Variants in CLSTN2 observed in about 807,000 individuals in gnomAD.
CLSTN2 encodes the protein calsyntenin-2.
In CLSTN2, 48 loss-of-function variants were observed where a neutral mutation model predicts 101.2. The observed-to-expected ratio is 0.47, with a 90% confidence interval of 0.38 to 0.60. The LOEUF (loss-of-function observed/expected upper bound fraction) is 0.60, where lower values mean the gene tolerates loss of function less well. Ranked by LOEUF, CLSTN2 falls within the 20% of genes least tolerant of loss-of-function variation. The pLI is 0.00. For missense variants in CLSTN2, 1,160 were observed against 1,238.2 expected (o/e 0.94, Z 0.95); for synonymous variants, 481 against 463.6 (o/e 1.04, Z -0.48).
At chr3:140,193,083 G>T (rs1428073172) in intron 2 of CLSTN2, among the ~76,000 whole-genome samples, 1 of 151,456 alleles carries the variant, frequency 6.6e-6, no homozygotes, top group Non-Finnish European at 1.5e-5. Context: ...GTTTGTAATT[G>T]TCTTAAATGT....
At chr3:140,240,367 G>A (rs2086456834) in intron 2 of CLSTN2, among the ~76,000 whole-genome samples, 3 of 31,238 alleles carry the variant, frequency 9.6e-5, no homozygotes, top group Non-Finnish European at 2.2e-4. Context: ...TACTGAGCTA[G>A]TTACATGAAC....
chr3:140,566,034 T>A lies in CLSTN2; in HGVS notation c.2668-19T>A, dbSNP rs375100509. 2.1e-5 allele frequency: 34 copies of A among 1,613,764 alleles called. No individual in the cohort carries two copies. Among genetic ancestry groups the A allele is most frequent in the Non-Finnish European group, 2.7e-5 (32 of 1,179,950 alleles). ...GTTCAGCCCCTGATGAGCATTTGCT[T>A]TTTCTCCTTGATATCCAGAAACATG... On this transcript the variant is annotated intron_variant, in intron 16 of 16. Transcript: ENST00000458420.
At chr3:140,317,211 T>A (rs1285297372) in intron 2 of CLSTN2, among the ~76,000 whole-genome samples, 1 of 152,142 alleles carries the variant, frequency 6.6e-6, no homozygotes, top group Admixed American at 6.5e-5. Context: ...GTGGACCAGA[T>A]GGCTCAGTTA....
At chr3:140,283,294 A>G (rs2086865599) in intron 2 of CLSTN2, among the ~76,000 whole-genome samples, 2 of 152,120 alleles carry the variant, frequency 1.3e-5, no homozygotes, top group Admixed American at 6.6e-5. Flanking sequence ...GAAATTTGGT[A>G]TTTATTATTT....
At chr3:140,138,074 C>T (rs2009641994) in intron 1 of CLSTN2, among the ~76,000 whole-genome samples, 1 of 152,290 alleles carries the variant, frequency 6.6e-6, no homozygotes, top group East Asian at 1.9e-4. Flanking sequence ...AAGGAGTCTC[C>T]TTTCCCTAAA....
chr3:140,462,962 C>T (rs1268686455), intron 7 of CLSTN2: 5 of 152,258 alleles, frequency 3.3e-5, no homozygotes, highest in African/African-American at 4.8e-5. Context: ...CCCACCTACC[C>T]ATGGGGGAGG....
At chr3:140,466,869 C>A in intron 8 of CLSTN2, 138 bp downstream of exon 8, 2 of 1,101,946 alleles carry the variant, frequency 1.8e-6, no homozygotes, top group Non-Finnish European at 2.6e-6. Flanking sequence ...CTTAGGGAGA[C>A]ACACAGCATC....
chr3:140,561,451 A>G (rs1270760513), intron 12 of CLSTN2, among the ~76,000 whole-genome samples: 1 of 152,234 alleles, frequency 6.6e-6, no homozygotes, highest in African/African-American at 2.4e-5. Flanking sequence ...GGCAAGGACA[A>G]CTTGACTGAC....
At chr3:140,322,978 G>A (rs767223803) in intron 2 of CLSTN2, among the ~76,000 whole-genome samples, 5 of 152,182 alleles carry the variant, frequency 3.3e-5, no homozygotes, top group African/African-American at 4.8e-5. Flanking sequence ...GATCCATGCC[G>A]CTTTTTTGGG....
intron 1 of CLSTN2, among the ~76,000 whole-genome samples, chr3:140,045,620 T>A (rs1211474623): frequency 6.6e-6 from 1 of 152,242 alleles, no homozygotes; most frequent in Non-Finnish European, 1.5e-5. Context: ...AGGGTGTCAA[T>A]TTTAGATCTT....
At chr3:140,206,153 A>G (rs2010779284) in intron 2 of CLSTN2, among the ~76,000 whole-genome samples, 1 of 152,114 alleles carries the variant, frequency 6.6e-6, no homozygotes, top group Non-Finnish European at 1.5e-5. Flanking sequence ...GCTGTAAACA[A>G]CTCCCAATTA....
intron 2 of CLSTN2, among the ~76,000 whole-genome samples, chr3:140,205,054 G>A (rs775777827): frequency 1.3e-5 from 2 of 152,132 alleles, no homozygotes; most frequent in East Asian, 1.9e-4. Context: ...TATGAAAAGA[G>A]GGTAGGCATT....
At chr3:140,090,990 A>G (rs1230954061) in intron 1 of CLSTN2, among the ~76,000 whole-genome samples, 1 of 152,130 alleles carries the variant, frequency 6.6e-6, no homozygotes, top group African/African-American at 2.4e-5. Flanking sequence ...AGGAGTTCTG[A>G]GGAACTCTGG....
chr3:140,201,154 G>A (rs928362941), intron 2 of CLSTN2, among the ~76,000 whole-genome samples: 3 of 152,210 alleles, frequency 2.0e-5, no homozygotes, highest in Non-Finnish European at 4.4e-5. Flanking sequence ...AAGCTGACAT[G>A]AGAGAGATAC....
chr3:139,984,715 T>C (rs1019561917), intron 1 of CLSTN2, among the ~76,000 whole-genome samples: 1 of 152,150 alleles, frequency 6.6e-6, no homozygotes, highest in Admixed American at 6.5e-5. Flanking sequence ...ACTCCCTAGG[T>C]AATCCTATCC....
At chr3:140,453,800 A>T (rs949934866) in intron 6 of CLSTN2, among the ~76,000 whole-genome samples, 10 of 152,232 alleles carry the variant, frequency 6.6e-5, no homozygotes, top group African/African-American at 2.4e-4. Flanking sequence ...GAAGACAGAC[A>T]TGTTAAGAAA....
intron 1 of CLSTN2, among the ~76,000 whole-genome samples, chr3:140,135,828 T>G (rs1482082317): frequency 1.3e-5 from 2 of 152,208 alleles, no homozygotes; most frequent in Non-Finnish European, 2.9e-5. Flanking sequence ...TTTAGGAATC[T>G]GGCTTAAACT....
intron 8 of CLSTN2, among the ~76,000 whole-genome samples, chr3:140,488,129 G>T (rs1479889928): frequency 6.6e-6 from 1 of 152,192 alleles, no homozygotes; most frequent in East Asian, 1.9e-4. Flanking sequence ...AGAAAAAAAA[G>T]CATTCCTTAG....
At chr3:140,177,288 T>C (rs2010339351) in intron 2 of CLSTN2, among the ~76,000 whole-genome samples, 1 of 152,216 alleles carries the variant, frequency 6.6e-6, no homozygotes, top group Admixed American at 6.5e-5. Context: ...GTTGGAAGTA[T>C]AAACTCCTTG....
Sources: gnomAD v4.1 joint callset for allele counts (sites outside exome capture counted in the v4.1 genomes callset) on GRCh38, gnomAD v4.1.1 for gene constraint, MANE v1.5 for transcripts, NCBI Gene and HGNC (gene_info 2026-07-23, HGNC 2026-07-21) for gene names.